The following COLGALT1 variants were observed in gnomAD, a reference collection of about 807,000 sequenced individuals.
The protein encoded by COLGALT1 is procollagen galactosyltransferase 1.
In COLGALT1, 43 loss-of-function variants were observed where a neutral mutation model predicts 60.8. The observed-to-expected ratio is 0.71, with a 90% CI of 0.55 to 0.91. The LOEUF (loss-of-function observed/expected upper bound fraction) is 0.91, where lower values mean the gene tolerates loss of function less well. COLGALT1 is among the 40% of genes least tolerant of loss of function. COLGALT1 has a pLI of 0.00. For missense variants in COLGALT1, 845 were observed against 880.0 expected, an observed-to-expected ratio of 0.96 and a Z score of 0.50; for synonymous variants, 369 against 374.2, an observed-to-expected ratio of 0.99 and a Z score of 0.16.
In COLGALT1 at chr19:17,563,069, T is replaced by C. The variant is rs892686311; in HGVS notation, c.489+2604T>C. Among the ~76,000 whole-genome samples, 12 of 152,028 alleles carry C rather than the reference T, an allele frequency of 7.9e-5. 1 individual carries two copies. Among genetic ancestry groups the C allele is most frequent in the African/African-American group, 2.4e-4 (10 of 41,380 alleles). On this transcript the variant is annotated intron_variant, in intron 3 of 11. Transcript: ENST00000252599. Reference sequence around the variant, plus strand: ...TTGTCCTGCCTCTAGGATTTTGCTTTTGTGGTTTGAGGTTGCCTGGCTTTA... The same window carrying C: ...TTGTCCTGCCTCTAGGATTTTGCTTCTGTGGTTTGAGGTTGCCTGGCTTTA...
chr19:17,577,070 G>A (rs2076347453), intron 6 of COLGALT1, 125 bp from the exon 7 acceptor site: 1 of 875,638 alleles, frequency 1.1e-6, no homozygotes. Flanking sequence ...GATGTGGGCG[G>A]AGCCAGGTCG....
chr19:17,559,419 C>A lies in COLGALT1; in HGVS notation c.369C>A (p.Pro123=). ...HSVEWRPAEE[P]RSYPDEEGPK... is the part of the protein sequence containing the mutation. ...TGGAGTGGCGGCCAGCAGAGGAGCC[C>A]AGGTGAGCATCTTTCCCCTGCTCCT... Residue 123 remains proline, a splice_region_variant and synonymous_variant, in exon 2 of 12, where the codon CCC becomes CCA. Transcript: ENST00000252599. The A allele has an allele frequency of 6.4e-7, 1 of 1,550,716 alleles. No homozygotes were observed. The highest frequency in any genetic ancestry group is 8.7e-7 in the Non-Finnish European group (1 of 1,146,106).
At position 17,582,556 on chromosome 19, in the gene COLGALT1, G is replaced by T. The variant is rs2076390863; in HGVS notation, c.*1112G>T. The T allele has an allele frequency of 6.6e-6, 1 of 152,206 alleles. No homozygotes were observed. Among genetic ancestry groups the T allele is most frequent in the South Asian group, 2.1e-4 (1 of 4,826 alleles). 9.4% of individuals were successfully genotyped at this position (152,206 alleles called of 1,614,324 possible). A position where few individuals can be genotyped will look rare whatever the true frequency, so the allele number is the denominator to read the frequency against. ...CTGCATTTTCGATCATGGGCTACATGCCGAGTGCTGGGGCACAGAGATGAA... is the reference window on the plus strand; with the variant it reads ...CTGCATTTTCGATCATGGGCTACATTCCGAGTGCTGGGGCACAGAGATGAA... On this transcript the variant is annotated 3_prime_UTR_variant, in exon 12 of 12. Coordinates refer to ENST00000252599, the MANE Select transcript of COLGALT1 (RefSeq NM_024656.4).
chr19:17,569,646 A>G (rs2076300314), intron 5 of COLGALT1, among the ~76,000 whole-genome samples: 1 of 152,068 alleles, frequency 6.6e-6, no homozygotes, highest in Non-Finnish European at 1.5e-5. Context: ...CAGGTTGGCC[A>G]GGCTGGTCTC....
At chr19:17,559,949 A>G (rs1035877517) in intron 2 of COLGALT1, among the ~76,000 whole-genome samples, 3 of 151,912 alleles carry the variant, frequency 2.0e-5, no homozygotes, top group African/African-American at 7.3e-5. Context: ...AACCATGCCT[A>G]GCTAATGTTT....
At chr19:17,559,619 C>T (rs183204129) in intron 2 of COLGALT1, among the ~76,000 whole-genome samples, 198 bp downstream of exon 2, 37 of 152,256 alleles carry the variant, frequency 2.4e-4, no homozygotes, top group Non-Finnish European at 4.6e-4. Context: ...TTGCCCAAGC[C>T]GTTCCCTGTA....
At position 17,580,726 on chromosome 19, in the gene COLGALT1, G is replaced by C; in HGVS notation, c.1422G>C (p.Val474=). 1 of 1,614,026 alleles carries C rather than the reference G, an allele frequency of 6.2e-7. No homozygotes were observed. The highest frequency in any genetic ancestry group is 8.5e-7 in the Non-Finnish European group (1 of 1,180,020). The change falls in exon 11 of 12, where the codon GTG becomes GTC. Residue 474 remains valine, a synonymous_variant. Transcript: ENST00000252599. ...ATGTGGGCCGGAAGCGGATGCAGGT[G>C]GAGCACCCCGAGAAGGCTGTGCCTC... ...LIYVGRKRMQ[V]EHPEKAVPRV... is the part of the protein sequence containing the mutation.
chr19:17,581,555 T>C lies in COLGALT1; in HGVS notation c.*111T>C. The stretch of plus-strand genomic sequence containing the variant: ...CTTGGCAGGCCACAGAGGGCTCTCG[T>C]GTGGGGTGGTGTCCAGCCAGCTCTT... On this transcript the variant is annotated 3_prime_UTR_variant, in exon 12 of 12. Transcript: ENST00000252599. The C allele has an allele frequency of 7.3e-7, 1 of 1,371,048 alleles. No individual in the cohort carries two copies. The allele number at this position is 1,371,048 out of a possible 1,614,324, so 84.9% of individuals were successfully genotyped here.
At position 17,568,592 on chromosome 19, in the gene COLGALT1, G is replaced by A. The variant is rs780998415; in HGVS notation, c.708G>A (p.Ser236=). Residue 236 remains serine, a synonymous_variant, in exon 5 of 12, where the codon TCG becomes TCA. Coordinates refer to ENST00000252599, the MANE Select transcript of COLGALT1 (RefSeq NM_024656.4). ...RGCFAVPMVH[S]TFLIDLRKAA... ...GCTTTGCAGTTCCCATGGTGCACTC[G>A]ACCTTCCTGATCGACCTGCGGAAGG... 3.3e-5 allele frequency: 53 copies of A among 1,614,188 alleles called. No homozygotes were observed. Among genetic ancestry groups the A allele is most frequent in the Middle Eastern group, 3.3e-4 (2 of 6,062 alleles).
At position 17,555,756 on chromosome 19, in the gene COLGALT1, C is replaced by T. The variant is rs1473075564; in HGVS notation, c.43C>T (p.Leu15Phe). The change falls in exon 1 of 12, where the codon CTC (leucine) becomes TTC (phenylalanine). Residue 15 changes from leucine (L) to phenylalanine (F), a missense_variant. By Grantham distance (22) the Leu-to-Phe change is conservative. Transcript: ENST00000252599. Reference protein sequence around the residue: ...PRAGRRRGQPLLALLLLLLAP... With the variant: ...PRAGRRRGQPFLALLLLLLAP... ...CGCGGGCCGGCGGCGCGGGCAGCCG[C>T]TCCTGGCGCTGCTGCTTCTGCTGCT... 4.1e-6 allele frequency: 5 copies of T among 1,219,628 alleles called. No individual in the cohort carries two copies. Among genetic ancestry groups the T allele is most frequent in the Middle Eastern group, 3.2e-4 (1 of 3,148 alleles). 75.6% of individuals were successfully genotyped at this position (1,219,628 alleles called of 1,614,324 possible). A position where few individuals can be genotyped will look rare whatever the true frequency, so the allele number is the denominator to read the frequency against.
intron 3 of COLGALT1, among the ~76,000 whole-genome samples, chr19:17,563,298 C>G: frequency 7.1e-6 from 1 of 140,752 alleles, no homozygotes; most frequent in African/African-American, 2.7e-5. Flanking sequence ...TCAAGTGACT[C>G]TCCTGCTTCG....
In COLGALT1 at chr19:17,555,679, C is replaced by A. The variant is rs1262715025; in HGVS notation, c.-35C>A. 6 of 1,177,520 alleles carry A rather than the reference C, an allele frequency of 5.1e-6. No homozygotes were observed. The highest frequency in any genetic ancestry group is 6.3e-6 in the Non-Finnish European group (6 of 953,656). The allele number at this position is 1,177,520 out of a possible 1,614,324, so 72.9% of individuals were successfully genotyped here. A position where few individuals can be genotyped will look rare whatever the true frequency, so the allele number is the denominator to read the frequency against. ...CTTTAAGGCGCGGCCAGAGTCCTCCCGCAGAAAAACGACTTAAAGGAGACG... is the reference window on the plus strand; with the variant it reads ...CTTTAAGGCGCGGCCAGAGTCCTCCAGCAGAAAAACGACTTAAAGGAGACG... On this transcript the variant is annotated 5_prime_UTR_variant, in exon 1 of 12. Transcript: ENST00000252599.
Position 17,555,973 on chromosome 19 carries a change from G to C in COLGALT1, c.260G>C (p.Trp87Ser). The change falls in exon 1 of 12, where the codon TGG (tryptophan) becomes TCG (serine). Residue 87 changes from tryptophan to serine, a missense_variant and splice_region_variant. By Grantham distance (177) the Trp-to-Ser change is radical. Transcript: ENST00000252599. ...LRHPRERTAL[W>S]VATDHNMDNT... ...CACCCGCGGGAGCGCACGGCGCTAT[G>C]GTGAGTCGAGCCCGCTGTCCCCATC... 7.4e-7 allele frequency: 1 copy of C among 1,351,498 alleles called. No individual in the cohort carries two copies. Among genetic ancestry groups the C allele is most frequent in the Non-Finnish European group, 9.5e-7 (1 of 1,049,928 alleles). 83.7% of individuals were successfully genotyped at this position (1,351,498 alleles called of 1,614,324 possible). A position where few individuals can be genotyped will look rare whatever the true frequency, so the allele number is the denominator to read the frequency against.
intron 9 of COLGALT1, among the ~76,000 whole-genome samples, chr19:17,579,005 C>T (rs1165965999): frequency 6.6e-6 from 1 of 150,988 alleles, no homozygotes; most frequent in African/African-American, 2.4e-5. Flanking sequence ...AGTGACACTC[C>T]ATCTCAAAAA....
rs1408192049 is a variant in COLGALT1, at chr19:17,583,114, A to G, written c.*1670A>G. 6.6e-6 allele frequency: 1 copy of G among 152,212 alleles called. No homozygotes were observed. Among genetic ancestry groups the G allele is most frequent in the African/African-American group, 2.4e-5 (1 of 41,452 alleles). 9.4% of individuals were successfully genotyped at this position (152,212 alleles called of 1,614,324 possible). Reference sequence around the variant, plus strand: ...CCAGCGGTGCTTCACCCTCTTGGGGATAACTTGCTTAGTTTTTTAATAAAT... The same window carrying G: ...CCAGCGGTGCTTCACCCTCTTGGGGGTAACTTGCTTAGTTTTTTAATAAAT... On this transcript the variant is annotated 3_prime_UTR_variant, in exon 12 of 12. Coordinates refer to ENST00000252599, the MANE Select transcript of COLGALT1 (RefSeq NM_024656.4).
chr19:17,580,319 G>A (rs1456331002), intron 10 of COLGALT1: 1 of 310,154 alleles, frequency 3.2e-6, no homozygotes, highest in Non-Finnish European at 6.2e-6. Flanking sequence ...CTGCATTCTG[G>A]GAACACTGCC....
In COLGALT1 at chr19:17,555,799, G is replaced by C; in HGVS notation, c.86G>C (p.Gly29Ala). The change falls in exon 1 of 12, where the codon GGG becomes GCG. Residue 29 changes from glycine (G) to alanine (A), a missense_variant. Gly to Ala is a moderately conservative substitution (Grantham distance 60, BLOSUM62 0). Transcript: ENST00000252599. ...CTGCTGCTGGCGCCACTGCCGCCGG[G>C]GGCCCCGCCGGGCGCCGACGCCTAC... ...LLLLLAPLPP[G>A]APPGADAYFP... 2 of 1,250,380 alleles carry C rather than the reference G, an allele frequency of 1.6e-6. No individual in the cohort carries two copies. The highest frequency in any genetic ancestry group is 2.0e-6 in the Non-Finnish European group (2 of 997,170). 77.5% of individuals were successfully genotyped at this position (1,250,380 alleles called of 1,614,324 possible).
rs746703670 is a variant in COLGALT1 at position 17,578,076 on chromosome 19, A to T, written c.1253A>T (p.Asn418Ile). Residue 418 changes from asparagine to isoleucine, a missense_variant, in exon 9 of 12, where the codon AAC (asparagine) becomes ATC (isoleucine). Transcript: ENST00000252599. ...CTGGGCTGCTTCCTGAGCCACTACA[A>T]CATCTGGAAGGAGGTGTGTCCTGAG... is the stretch of plus-strand genomic sequence containing the variant. ...GELGCFLSHY[N>I]IWKEVVDRGL... The T allele has an allele frequency of 6.2e-7, 1 of 1,608,328 alleles. No homozygotes were observed. Among genetic ancestry groups the T allele is most frequent in the Non-Finnish European group, 8.5e-7 (1 of 1,177,522 alleles).
In COLGALT1 at chr19:17,571,310, G is replaced by C. The variant is rs535690780; in HGVS notation, c.830-1173G>C. ...TGGGTGCCTGTAGTCCCAGCTACTTGGGAGGCTGAGGCACAAGAATTGTTT... is the reference window on the plus strand; with the variant it reads ...TGGGTGCCTGTAGTCCCAGCTACTTCGGAGGCTGAGGCACAAGAATTGTTT... On this transcript the variant is annotated intron_variant, in intron 5 of 11. Coordinates refer to ENST00000252599, the MANE Select transcript of COLGALT1 (RefSeq NM_024656.4). Among the ~76,000 whole-genome samples the C allele has an allele frequency of 1.2e-3, 189 of 152,168 alleles. 2 individuals are homozygous for C. The highest frequency in any genetic ancestry group is 4.1e-3 in the Admixed American group (63 of 15,270).
Sources: gnomAD v4.1 joint callset for allele counts (sites outside exome capture counted in the v4.1 genomes callset) on GRCh38, gnomAD v4.1.1 for gene constraint, MANE v1.5 for transcripts, NCBI Gene and HGNC (gene_info 2026-07-23, HGNC 2026-07-21) for gene names.